The following ASTN2 variants were observed in gnomAD, a reference collection of about 807,000 sequenced individuals.
The protein encoded by ASTN2 is astrotactin 2, also known as astrotactin-2.
A neutral mutation model predicts 139.8 loss-of-function variants in ASTN2; 54 were observed. That is an observed-to-expected ratio of 0.39 (90% CI 0.31 to 0.48). The LOEUF is 0.48. Ranked by LOEUF, ASTN2 falls within the 20% of genes least tolerant of loss-of-function variation. ASTN2 has a pLI of 0.95. For synonymous variants in ASTN2, 756 were observed against 719.5 expected (o/e 1.05, Z -0.81); for missense variants, 1,565 against 1,725.1 (o/e 0.91, Z 1.64).
rs371938070 is a variant in ASTN2 at position 117,385,210 on chromosome 9, G to A, written c.442+29287C>T. Among the ~76,000 whole-genome samples the A allele has an allele frequency of 2.2e-3, 338 of 152,032 alleles. 2 individuals are homozygous for A. Among genetic ancestry groups the A allele is most frequent in the Middle Eastern group, 0.01 (3 of 294 alleles). ...AAAGGAACATAAGGGAATATGCCTCGAACTCCTGGCCTCAAGTGATCTTCC... is the reference window on the plus strand; with the variant it reads ...AAAGGAACATAAGGGAATATGCCTCAAACTCCTGGCCTCAAGTGATCTTCC... On this transcript the variant is annotated intron_variant, in intron 1 of 22. Coordinates refer to ENST00000313400, the MANE Select transcript of ASTN2 (RefSeq NM_001365068.1).
intron 2 of ASTN2, among the ~76,000 whole-genome samples, chr9:117,226,301 A>G (rs752808135): frequency 1.2e-4 from 19 of 152,160 alleles, no homozygotes; most frequent in Non-Finnish European, 2.5e-4. Flanking sequence ...TTTACCAGCT[A>G]TGGAACCTTG....
chr9:116,482,378 T>G (rs543552754), intron 20 of ASTN2, among the ~76,000 whole-genome samples: 6 of 152,198 alleles, frequency 3.9e-5, no homozygotes, highest in Non-Finnish European at 8.8e-5. Context: ...AGGTTTATCA[T>G]GAGAATTGAA....
intron 19 of ASTN2, among the ~76,000 whole-genome samples, chr9:116,605,088 A>G (rs553660231): frequency 6.6e-6 from 1 of 152,278 alleles, no homozygotes; most frequent in Non-Finnish European, 1.5e-5. Context: ...CGACACACAT[A>G]AAGGTAGAAA....
At chr9:117,291,260 T>C in intron 2 of ASTN2, 66 bp downstream of exon 2, 41 of 1,444,278 alleles carry the variant, frequency 2.8e-5, no homozygotes, top group East Asian at 4.8e-5. Context: ...CCCCGCCCCC[T>C]CCATCTCTCC....
rs192715239 is a variant in ASTN2 at position 116,653,154 on chromosome 9, C to T, written c.2807-1361G>A. 2.6e-3 allele frequency among the ~76,000 whole-genome samples: 403 copies of T among 152,286 alleles called. 1 individual carries two copies. Among genetic ancestry groups the T allele is most frequent in the Non-Finnish European group, 4.7e-3 (323 of 68,022 alleles). ...CCCACTTTCAGTGCCAAACATGGTG[C>T]GACGGATGTATTTGATACTCAGCCA... is the stretch of plus-strand genomic sequence containing the variant. On this transcript the variant is annotated intron_variant, in intron 16 of 22. Coordinates refer to ENST00000313400, the MANE Select transcript of ASTN2 (RefSeq NM_001365068.1).
intron 5 of ASTN2, among the ~76,000 whole-genome samples, chr9:117,082,302 C>A (rs1010763625): frequency 5.9e-5 from 9 of 152,150 alleles, no homozygotes; most frequent in African/African-American, 1.2e-4. Context: ...AACCAATGCT[C>A]ACTTTCAGCA....
At chr9:116,788,659 G>T (rs78081336) in intron 13 of ASTN2, among the ~76,000 whole-genome samples, 2 of 152,164 alleles carry the variant, frequency 1.3e-5, no homozygotes, top group African/African-American at 4.8e-5. Flanking sequence ...AGTAGTCGCA[G>T]AAATTGTCTT....
chr9:116,439,362 G>A (rs1165323432), intron 22 of ASTN2, among the ~76,000 whole-genome samples: 2 of 144,436 alleles, frequency 1.4e-5, no homozygotes, highest in African/African-American at 5.3e-5. Flanking sequence ...CACTACGCCC[G>A]GCTAATTTTT....
At chr9:116,733,583 G>A (rs1337317547) in intron 13 of ASTN2, 60 bp from the exon 14 acceptor site, 9 of 1,603,482 alleles carry the variant, frequency 5.6e-6, no homozygotes, top group Non-Finnish European at 7.7e-6. Context: ...GAGGACTACA[G>A]GGCAAGGAGG....
intron 4 of ASTN2, among the ~76,000 whole-genome samples, chr9:117,105,804 A>G (rs1381019225): frequency 1.3e-5 from 2 of 152,128 alleles, no homozygotes; most frequent in Non-Finnish European, 2.9e-5. Flanking sequence ...TGAAAAATAT[A>G]TTATCATCTC....
intron 1 of ASTN2, among the ~76,000 whole-genome samples, chr9:117,403,176 T>A (rs1564186813): frequency 2.6e-5 from 4 of 152,194 alleles, no homozygotes; most frequent in Non-Finnish European, 5.9e-5. Context: ...CTTGAGAGCC[T>A]GAGGTCTACC....
At chr9:117,305,222 A>G (rs1834970067) in intron 1 of ASTN2, among the ~76,000 whole-genome samples, 4 of 152,142 alleles carry the variant, frequency 2.6e-5, no homozygotes, top group Admixed American at 2.6e-4. Context: ...CTGTCTTCTC[A>G]TCTGTCAAAT....
intron 19 of ASTN2, among the ~76,000 whole-genome samples, chr9:116,560,811 A>C (rs955155502): frequency 1.3e-5 from 2 of 152,208 alleles, no homozygotes; most frequent in African/African-American, 2.4e-5. Context: ...GGTGCACAGA[A>C]TTTAAGTATC....
chr9:117,400,047 C>T (rs7872945), intron 1 of ASTN2, among the ~76,000 whole-genome samples: 48,893 of 152,094 alleles, frequency 0.32, 8,308 homozygotes, highest in Non-Finnish European at 0.39. Flanking sequence ...ACATGGGATT[C>T]TGCAGCAAAC....
At chr9:116,576,440 C>T (rs1422242992) in intron 19 of ASTN2, among the ~76,000 whole-genome samples, 1 of 152,072 alleles carries the variant, frequency 6.6e-6, no homozygotes, top group East Asian at 1.9e-4. Context: ...GTATTTTAGC[C>T]AAAACAAAGA....
intron 22 of ASTN2, among the ~76,000 whole-genome samples, chr9:116,437,033 G>C (rs1847675238): frequency 6.8e-6 from 1 of 146,474 alleles, no homozygotes; most frequent in South Asian, 2.3e-4. Flanking sequence ...CACAGGAAGG[G>C]GAACATCACA....
intron 19 of ASTN2, among the ~76,000 whole-genome samples, chr9:116,573,620 C>G (rs973690414): frequency 4.1e-5 from 6 of 146,798 alleles, no homozygotes; most frequent in African/African-American, 1.4e-4. Context: ...CTACAAGAAT[C>G]ATGTTTTTTG....
chr9:117,331,928 C>T (rs970396234), intron 1 of ASTN2, among the ~76,000 whole-genome samples: 8 of 152,030 alleles, frequency 5.3e-5, no homozygotes, highest in African/African-American at 1.9e-4. Flanking sequence ...CCATTCATAC[C>T]CCATTTAATT....
intron 6 of ASTN2, among the ~76,000 whole-genome samples, chr9:117,018,548 T>C (rs1837782507): frequency 6.6e-6 from 1 of 152,150 alleles, no homozygotes; most frequent in Non-Finnish European, 1.5e-5. Flanking sequence ...TGTTCCTTTT[T>C]CTCTAGATCT....
Sources: allele counts gnomAD v4.1 joint callset (sites outside exome capture counted in the v4.1 genomes callset), GRCh38; gene constraint gnomAD v4.1.1; transcripts MANE v1.5; gene names NCBI Gene and HGNC (gene_info 2026-07-23, HGNC 2026-07-21).